The following DCC variants were observed in gnomAD, a reference collection of about 807,000 sequenced individuals.
DCC encodes DCC netrin 1 receptor.
A neutral mutation model predicts 172.5 loss-of-function variants in DCC; 58 were observed. The ratio of observed to expected loss-of-function variants is 0.34; its 90% CI spans 0.27 to 0.42. The LOEUF (loss-of-function observed/expected upper bound fraction) is 0.42, where lower values mean the gene tolerates loss of function less well. Ranked by LOEUF, DCC falls within the 10% of genes least tolerant of loss-of-function variation. DCC has a pLI of 1.00. For missense variants in DCC, 1,740 were observed against 1,791.0 expected (o/e 0.97, Z 0.51); for synonymous variants, 709 against 644.5 (o/e 1.10, Z -1.52).
intron 1 of DCC, among the ~76,000 whole-genome samples, chr18:52,489,290 A>T (rs1258741067): frequency 6.6e-6 from 1 of 152,064 alleles, no homozygotes; most frequent in Non-Finnish European, 1.5e-5. Context: ...CTGGCTACAT[A>T]GTTGTCTCAA....
At chr18:53,468,807 T>A (rs577542632) in intron 25 of DCC, among the ~76,000 whole-genome samples, 8 of 152,308 alleles carry the variant, frequency 5.3e-5, no homozygotes, top group African/African-American at 1.9e-4. Context: ...TTTTCTGTCA[T>A]CCTCCCACAT....
At chr18:52,955,984 A>T (rs559916199) in intron 5 of DCC, among the ~76,000 whole-genome samples, 68 of 151,298 alleles carry the variant, frequency 4.5e-4, no homozygotes, top group Non-Finnish European at 6.6e-4. Context: ...AATCAGTTGC[A>T]TGTCTTACAA....
At chr18:52,849,335 T>C (rs1037509096) in intron 2 of DCC, among the ~76,000 whole-genome samples, 1 of 152,292 alleles carries the variant, frequency 6.6e-6, no homozygotes, top group South Asian at 2.1e-4. Context: ...GGAATGCCTT[T>C]CCTGCTTAAA....
chr18:52,949,170 C>T (rs1184264215), intron 5 of DCC, among the ~76,000 whole-genome samples: 1 of 152,180 alleles, frequency 6.6e-6, no homozygotes, highest in Non-Finnish European at 1.5e-5. Context: ...GAAACAAGGA[C>T]AGGGAAGCTT....
At chr18:52,894,173 G>A (rs72922273) in intron 2 of DCC, among the ~76,000 whole-genome samples, 3,167 of 152,084 alleles carry the variant, frequency 0.021, 56 homozygotes, top group Admixed American at 0.039. Context: ...TTCCCAATAG[G>A]CATCACTGAG....
At chr18:52,429,470 T>C (rs1472434564) in intron 1 of DCC, among the ~76,000 whole-genome samples, 1 of 152,184 alleles carries the variant, frequency 6.6e-6, no homozygotes, top group East Asian at 1.9e-4. Flanking sequence ...AGCATATTAA[T>C]GACTTTTCAC....
At chr18:53,224,824 C>T (rs11082973) in intron 12 of DCC, among the ~76,000 whole-genome samples, 6,223 of 152,038 alleles carry the variant, frequency 0.041, 396 homozygotes, top group African/African-American at 0.14. Flanking sequence ...ATTTTGAATT[C>T]GAGATAGCTA....
At chr18:52,488,159 T>G (rs1261675043) in intron 1 of DCC, among the ~76,000 whole-genome samples, 1 of 152,154 alleles carries the variant, frequency 6.6e-6, no homozygotes, top group East Asian at 1.9e-4. Flanking sequence ...GTTGGTTCGT[T>G]CCACCACTGT....
chr18:53,162,990 G>A (rs1208524557), intron 8 of DCC, among the ~76,000 whole-genome samples: 1 of 152,140 alleles, frequency 6.6e-6, no homozygotes, highest in Non-Finnish European at 1.5e-5. Context: ...GTCAACTACT[G>A]TGTGGAACTC....
chr18:52,536,403 TC>T (rs2032291173), intron 1 of DCC, among the ~76,000 whole-genome samples: 1 of 151,824 alleles, frequency 6.6e-6, no homozygotes, highest in African/African-American at 2.4e-5. Context: ...TCTAATTTCT[TC>T]CAAAAAAGGA....
At chr18:53,076,211 C>T (rs2042723235) in intron 7 of DCC, among the ~76,000 whole-genome samples, 2 of 152,148 alleles carry the variant, frequency 1.3e-5, no homozygotes, top group African/African-American at 4.8e-5. Context: ...ATGATAGAAG[C>T]ATTCCTCCTT....
At chr18:52,929,620 G>A (rs941727501) in intron 5 of DCC, among the ~76,000 whole-genome samples, 5 of 151,998 alleles carry the variant, frequency 3.3e-5, no homozygotes, top group African/African-American at 4.8e-5. Flanking sequence ...ACTCAATATC[G>A]GGTATTGCTT....
intron 12 of DCC, among the ~76,000 whole-genome samples, chr18:53,287,581 A>G (rs373026840): frequency 6.6e-6 from 1 of 152,164 alleles, no homozygotes; most frequent in Non-Finnish European, 1.5e-5. Context: ...TCAAAGAGGC[A>G]ACATCAATTT....
intron 26 of DCC, 140 bp downstream of exon 26, chr18:53,487,098 A>T: frequency 8.5e-7 from 1 of 1,177,252 alleles, no homozygotes; most frequent in Non-Finnish European, 1.2e-6. Flanking sequence ...CCTTTCCAAC[A>T]CAGTGCTTTG....
chr18:52,521,376 G>A (rs546524104), intron 1 of DCC, among the ~76,000 whole-genome samples: 31 of 152,234 alleles, frequency 2.0e-4, no homozygotes, highest in African/African-American at 7.2e-4. Context: ...AAAACACCAT[G>A]GACTGTTTGC....
At chr18:53,357,161 C>G (rs1438353380) in intron 15 of DCC, among the ~76,000 whole-genome samples, 3 of 152,154 alleles carry the variant, frequency 2.0e-5, no homozygotes, top group Middle Eastern at 3.4e-3. Context: ...AAACTTTTAG[C>G]TTTTTAAAGG....
At chr18:53,329,119 T>G (rs1427281009) in intron 14 of DCC, among the ~76,000 whole-genome samples, 1 of 152,158 alleles carries the variant, frequency 6.6e-6, no homozygotes, top group African/African-American at 2.4e-5. Flanking sequence ...TTAGGCAGTT[T>G]TTTAAAAAAA....
chr18:52,510,924 A>G (rs1238086836), intron 1 of DCC, among the ~76,000 whole-genome samples: 3 of 152,022 alleles, frequency 2.0e-5, no homozygotes, highest in Non-Finnish European at 4.4e-5. Flanking sequence ...CTTACAGGTG[A>G]AAAAAAGCTA....
intron 1 of DCC, among the ~76,000 whole-genome samples, chr18:52,692,773 A>C (rs2145015418): frequency 6.6e-6 from 1 of 152,212 alleles, no homozygotes; most frequent in South Asian, 2.1e-4. Context: ...AACATTTCTA[A>C]ATTCATGGTG....
Sources: allele counts gnomAD v4.1 joint callset (sites outside exome capture counted in the v4.1 genomes callset), GRCh38; gene constraint gnomAD v4.1.1; transcripts MANE v1.5; gene names NCBI Gene and HGNC (gene_info 2026-07-23, HGNC 2026-07-21).